The following WWOX variants were observed in gnomAD, a reference collection of about 807,000 sequenced individuals.
WWOX encodes WW domain-containing oxidoreductase.
A neutral mutation model predicts 46.2 loss-of-function variants in WWOX; 69 were observed. That is an observed-to-expected ratio of 1.49 (90% confidence interval 1.23 to 1.82). The LOEUF is 1.82. Ranked by LOEUF, WWOX falls within the 40% of genes most tolerant of loss-of-function variation. The pLI is 0.00. For synonymous variants in WWOX, 359 were observed against 202.6 expected (o/e 1.77, Z -6.56); for missense variants, 919 against 542.6 (o/e 1.69, Z -6.89).
intron 8 of WWOX, among the ~76,000 whole-genome samples, chr16:78,918,244 A>G (rs569397906): frequency 3.6e-4 from 55 of 152,276 alleles, no homozygotes; most frequent in Middle Eastern, 6.8e-3. Context: ...AGCCCTATCA[A>G]AATTTTAAAA....
At chr16:78,485,121 G>A (rs768266479) in intron 8 of WWOX, among the ~76,000 whole-genome samples, 3 of 151,080 alleles carry the variant, frequency 2.0e-5, no homozygotes, top group Non-Finnish European at 4.4e-5. Flanking sequence ...CTGACTACAG[G>A]GTTTAGGTTT....
intron 8 of WWOX, among the ~76,000 whole-genome samples, chr16:78,828,687 C>T (rs2051729145): frequency 6.6e-6 from 1 of 151,906 alleles, no homozygotes; most frequent in African/African-American, 2.4e-5. Context: ...ATGTGTGTGC[C>T]AATTATGTGC....
At chr16:79,179,888 T>A (rs1473853806) in intron 8 of WWOX, among the ~76,000 whole-genome samples, 1 of 152,204 alleles carries the variant, frequency 6.6e-6, no homozygotes, top group Non-Finnish European at 1.5e-5. Flanking sequence ...CACATTTGAT[T>A]TAGGTTGGAA....
At chr16:78,187,781 C>G (rs1031326584) in intron 5 of WWOX, among the ~76,000 whole-genome samples, 2 of 152,188 alleles carry the variant, frequency 1.3e-5, no homozygotes, top group African/African-American at 2.4e-5. Flanking sequence ...TGTCTGTTGT[C>G]CTTCCTTTAC....
At chr16:79,147,059 T>C (rs575385567) in intron 8 of WWOX, among the ~76,000 whole-genome samples, 1 of 152,362 alleles carries the variant, frequency 6.6e-6, no homozygotes, top group South Asian at 2.1e-4. Flanking sequence ...TTACAGAATC[T>C]ATGGATCTTA....
chr16:78,957,858 A>G (rs917329197), intron 8 of WWOX, among the ~76,000 whole-genome samples: 1 of 152,212 alleles, frequency 6.6e-6, no homozygotes, highest in African/African-American at 2.4e-5. Context: ...GTGAATTTGC[A>G]GAGAAGAGGC....
intron 8 of WWOX, among the ~76,000 whole-genome samples, chr16:78,968,447 T>G (rs2046406765): frequency 6.6e-6 from 1 of 152,252 alleles, no homozygotes; most frequent in Non-Finnish European, 1.5e-5. Flanking sequence ...TAGGGAGTTC[T>G]CACCAACCTT....
intron 6 of WWOX, among the ~76,000 whole-genome samples, chr16:78,390,290 C>T (rs984351476): frequency 3.9e-5 from 6 of 152,208 alleles, no homozygotes; most frequent in Non-Finnish European, 7.3e-5. Flanking sequence ...GGATCATCTT[C>T]CACGTCTTAA....
At chr16:78,149,962 T>C (rs1187978612) in intron 4 of WWOX, among the ~76,000 whole-genome samples, 1 of 152,198 alleles carries the variant, frequency 6.6e-6, no homozygotes, top group African/African-American at 2.4e-5. Context: ...TCCAATTTTC[T>C]GGACCCCAGC....
chr16:78,421,027 A>T (rs1019405425), intron 6 of WWOX, among the ~76,000 whole-genome samples: 1 of 152,072 alleles, frequency 6.6e-6, no homozygotes, highest in Non-Finnish European at 1.5e-5. Context: ...TGGATGTTAG[A>T]TTGCTTCTAG....
chr16:78,489,739 T>C, intron 8 of WWOX, among the ~76,000 whole-genome samples: 1 of 152,116 alleles, frequency 6.6e-6, no homozygotes, highest in South Asian at 2.1e-4. Flanking sequence ...CTGGGTTCAC[T>C]GGGATGGCTC....
intron 8 of WWOX, among the ~76,000 whole-genome samples, chr16:78,444,702 T>G (rs1204534274): frequency 6.6e-6 from 1 of 151,946 alleles, no homozygotes; most frequent in East Asian, 2.0e-4. Context: ...GGCTAATTTT[T>G]TGTATTCTTA....
chr16:78,630,601 G>C (rs1208928509), intron 8 of WWOX, among the ~76,000 whole-genome samples: 1 of 152,174 alleles, frequency 6.6e-6, no homozygotes, highest in Non-Finnish European at 1.5e-5. Context: ...CACTGGAAGA[G>C]GACATTTGGA....
chr16:78,245,928 C>A (rs760565080), intron 5 of WWOX, among the ~76,000 whole-genome samples: 2 of 152,288 alleles, frequency 1.3e-5, no homozygotes, highest in African/African-American at 4.8e-5. Context: ...GGAATTCTAA[C>A]CCTCTTGCCA....
intron 8 of WWOX, among the ~76,000 whole-genome samples, chr16:79,164,157 T>C (rs1192931664): frequency 6.6e-6 from 1 of 152,254 alleles, no homozygotes; most frequent in Non-Finnish European, 1.5e-5. Flanking sequence ...CTTTTTATTT[T>C]ATAGAAAAAT....
chr16:78,174,221 C>T (rs979933725), intron 5 of WWOX, among the ~76,000 whole-genome samples: 1 of 152,184 alleles, frequency 6.6e-6, no homozygotes, highest in Non-Finnish European at 1.5e-5. Flanking sequence ...GGGGAGGCTT[C>T]AGAATCATGG....
intron 8 of WWOX, among the ~76,000 whole-genome samples, chr16:78,682,010 T>C (rs550280418): frequency 2.6e-5 from 4 of 152,212 alleles, no homozygotes; most frequent in Non-Finnish European, 5.9e-5. Flanking sequence ...CAGTGATTTT[T>C]AAAAGTCTTT....
At chr16:78,551,931 C>A (rs3743681) in intron 8 of WWOX, 14,062 of 152,248 alleles carry the variant, frequency 0.092, 890 homozygotes, top group South Asian at 0.23. Context: ...CCCCCTCTTA[C>A]CTGTGGCAGC....
chr16:78,871,341 G>C (rs2044124671), intron 8 of WWOX, among the ~76,000 whole-genome samples: 1 of 152,086 alleles, frequency 6.6e-6, no homozygotes, highest in Non-Finnish European at 1.5e-5. Flanking sequence ...AGAGGGACTG[G>C]GTGAACTTGA....
Sources: allele counts gnomAD v4.1 joint callset (sites outside exome capture counted in the v4.1 genomes callset), GRCh38; gene constraint gnomAD v4.1.1; transcripts MANE v1.5; gene names NCBI Gene and HGNC (gene_info 2026-07-23, HGNC 2026-07-21).